BTBD16: variants seen among roughly 807,000 people sequenced by gnomAD.
BTBD16 encodes BTB/POZ domain-containing protein 16.
In BTBD16, 66 loss-of-function variants were observed where a neutral mutation model predicts 67.4. The ratio of observed to expected loss-of-function variants is 0.98; its 90% confidence interval spans 0.80 to 1.20. The LOEUF is 1.20. BTBD16 is among the 50% of genes most tolerant of loss of function. The pLI is 0.00. For missense variants in BTBD16, 634 were observed against 616.0 expected, an observed-to-expected ratio of 1.03 and a Z score of -0.31; for synonymous variants, 242 against 236.4, an observed-to-expected ratio of 1.02 and a Z score of -0.22.
intron 10 of BTBD16, among the ~76,000 whole-genome samples, chr10:122,326,083 C>T (rs2133308021): frequency 6.6e-6 from 1 of 151,936 alleles, no homozygotes; most frequent in Admixed American, 6.5e-5. Flanking sequence ...AGTTATTGCC[C>T]TAAAATGTGT....
At chr10:122,309,103 C>A (rs905644771) in intron 10 of BTBD16, among the ~76,000 whole-genome samples, 1 of 152,158 alleles carries the variant, frequency 6.6e-6, no homozygotes, top group Non-Finnish European at 1.5e-5. Flanking sequence ...TGGCACCTTG[C>A]TGGACTGTGA....
intron 14 of BTBD16, 127 bp from the exon 15 acceptor site, chr10:122,336,367 A>T (rs2133332874): frequency 1.3e-6 from 1 of 788,110 alleles, no homozygotes; most frequent in African/African-American, 1.8e-5. Flanking sequence ...GATGGTGCCA[A>T]TTGGGAAATG....
At chr10:122,327,482 C>T in intron 10 of BTBD16, 1 of 556,466 alleles carries the variant, frequency 1.8e-6, no homozygotes, top group Non-Finnish European at 2.3e-6. Context: ...GCTACTGCTC[C>T]CACTTGACAG....
chr10:122,282,080 C>T (rs1442921873), intron 3 of BTBD16, among the ~76,000 whole-genome samples: 1 of 152,192 alleles, frequency 6.6e-6, no homozygotes, highest in African/African-American at 2.4e-5. Context: ...TGACAAGCAG[C>T]CCTCACACCC....
At position 122,336,618 on chromosome 10, in the gene BTBD16, A is replaced by G. The variant is rs1225867753; in HGVS notation, c.1388A>G (p.Gln463Arg). The G allele has an allele frequency of 1.2e-6, 2 of 1,612,764 alleles. No individual in the cohort carries two copies. The highest frequency in any genetic ancestry group is 1.3e-5 in the African/African-American group (1 of 74,850). Residue 463 changes from glutamine (Q) to arginine (R), a missense_variant, in exon 15 of 16, where the codon CAG (glutamine) becomes CGG (arginine). Coordinates refer to ENST00000260723, the MANE Select transcript of BTBD16 (RefSeq NM_144587.5). ...RAEALVDGKW[Q>R]EFRTNQIKQK... ...GAGGCCCTGGTTGACGGCAAGTGGC[A>G]GGAGTTCAGGACAAACCAGATCAAG... is the stretch of plus-strand genomic sequence containing the variant.
intron 1 of BTBD16, 150 bp downstream of exon 1, chr10:122,271,664 G>C (rs529462793): frequency 1.3e-5 from 2 of 152,228 alleles, no homozygotes; most frequent in African/African-American, 4.8e-5. Context: ...ATCAGGAGGG[G>C]TCTGGGAGCT....
chr10:122,286,182 C>G lies in BTBD16; in HGVS notation c.319C>G (p.Leu107Val). 1 of 1,613,994 alleles carries G rather than the reference C, an allele frequency of 6.2e-7. No individual in the cohort carries two copies. The highest frequency in any genetic ancestry group is 1.7e-4 in the Middle Eastern group (1 of 6,060). The change falls in exon 5 of 16, where the codon CTC becomes GTC. Residue 107 changes from leucine to valine, a missense_variant. Coordinates refer to ENST00000260723, the MANE Select transcript of BTBD16 (RefSeq NM_144587.5). ...QLFQSETLAKLYLKALAQGTT... is the reference protein window; with the variant it reads ...QLFQSETLAKVYLKALAQGTT... ...TTTTCAGTCTGAGACCTTGGCCAAGCTCTACCTGAAAGCCCTGGCGCAGGG... is the reference window on the plus strand; with the variant it reads ...TTTTCAGTCTGAGACCTTGGCCAAGGTCTACCTGAAAGCCCTGGCGCAGGG...
At chr10:122,329,349 A>C in intron 10 of BTBD16, 131 bp from the exon 11 acceptor site, 1 of 758,136 alleles carries the variant, frequency 1.3e-6, no homozygotes, top group Non-Finnish European at 2.2e-6. Context: ...ACCCCTCCAG[A>C]GGGACCGAGG....
rs769834626 is a variant in BTBD16 at position 122,338,113 on chromosome 10, TC to T, written c.*34del. The T allele has an allele frequency of 4.6e-6, 7 of 1,511,712 alleles. No individual in the cohort carries two copies. The highest frequency in any genetic ancestry group is 1.4e-5 in the African/African-American group (1 of 72,684). 93.6% of individuals were successfully genotyped at this position (1,511,712 alleles called of 1,614,324 possible). On this transcript the variant is annotated 3_prime_UTR_variant, in exon 16 of 16. Coordinates refer to ENST00000260723, the MANE Select transcript of BTBD16 (RefSeq NM_144587.5). ...GTTTCCAGAAGAATCTATGGGATTTTCCCCCCACTGGTCTGCATAAAAGAAA... is the reference window on the plus strand; with the variant it reads ...GTTTCCAGAAGAATCTATGGGATTTTCCCCCACTGGTCTGCATAAAAGAAA...
At chr10:122,321,983 A>G (rs1341856523) in intron 10 of BTBD16, among the ~76,000 whole-genome samples, 1 of 152,084 alleles carries the variant, frequency 6.6e-6, no homozygotes, top group Non-Finnish European at 1.5e-5. Flanking sequence ...TCTTTAATCC[A>G]CTTGGTAAAT....
At chr10:122,292,659 C>G (rs1210007479) in intron 7 of BTBD16, among the ~76,000 whole-genome samples, 2 of 152,242 alleles carry the variant, frequency 1.3e-5, no homozygotes, top group Non-Finnish European at 2.9e-5. Flanking sequence ...ATTCATTCAT[C>G]TGCCTCAAGG....
intron 9 of BTBD16, among the ~76,000 whole-genome samples, chr10:122,304,466 A>G (rs2096399629): frequency 6.6e-6 from 1 of 152,094 alleles, no homozygotes; most frequent in Non-Finnish European, 1.5e-5. Context: ...AAATGGCTCC[A>G]TAGATAACCA....
intron 7 of BTBD16, chr10:122,294,004 C>T (rs904576689): frequency 1.1e-5 from 4 of 380,516 alleles, no homozygotes; most frequent in Non-Finnish European, 7.2e-6. Context: ...AATGCCAGAG[C>T]AGGAGGGGCT....
chr10:122,332,512 A>G lies in BTBD16; in HGVS notation c.1163A>G (p.Gln388Arg), dbSNP rs771393037. Residue 388 changes from glutamine (Q) to arginine (R), a missense_variant and splice_region_variant, in exon 13 of 16, where the codon CAG becomes CGG. Gln to Arg is a conservative substitution (Grantham distance 43, BLOSUM62 1). Transcript: ENST00000260723. Reference sequence around the variant, plus strand: ...GTGAGATTTGGGCTGCTCTTTAACCAGGTACTGAGAACTGTACCCGAACAA... The same window carrying G: ...GTGAGATTTGGGCTGCTCTTTAACCGGGTACTGAGAACTGTACCCGAACAA... The part of the protein sequence containing the change: ...QAVRFGLLFN[Q>R]ENTTYSKTIA... 13 of 1,612,724 alleles carry G rather than the reference A, an allele frequency of 8.1e-6. No individual in the cohort carries two copies. Among genetic ancestry groups the G allele is most frequent in the East Asian group, 6.7e-5 (3 of 44,842 alleles).
Position 122,289,958 on chromosome 10 carries a change from C to T in BTBD16, c.435C>T (p.Ile145=). ...TKEKSPAKRI[I]ISLKINDPLV... is the part of the protein sequence containing the mutation. ...AAAAATCCCCTGCAAAGAGGATCAT[C>T]ATTTCCTTGAAGATCAATGACCCAC... The change falls in exon 6 of 16, where the codon ATC becomes ATT. Residue 145 remains isoleucine (I), a synonymous_variant. Transcript: ENST00000260723. The T allele has an allele frequency of 6.2e-7, 1 of 1,613,820 alleles. No individual in the cohort carries two copies. The highest frequency in any genetic ancestry group is 8.5e-7 in the Non-Finnish European group (1 of 1,179,876).
At position 122,334,839 on chromosome 10, in the gene BTBD16, A is replaced by G. The variant is rs747450372; in HGVS notation, c.1165-42A>G. ...GCCCGGGTGACTTTGAATACTAAAT[A>G]TTTTCCCCCCTTCACTTTGTTGTTT... is the stretch of plus-strand genomic sequence containing the variant. On this transcript the variant is annotated intron_variant, in intron 13 of 15. Transcript: ENST00000260723. 9 of 1,269,830 alleles carry G rather than the reference A, an allele frequency of 7.1e-6. No individual in the cohort carries two copies. The South Asian group carries it at 9.7e-5, about 14-fold the overall frequency. The allele number at this position is 1,269,830 out of a possible 1,614,324, so 78.7% of individuals were successfully genotyped here. A position where few individuals can be genotyped will look rare whatever the true frequency, so the allele number is the denominator to read the frequency against.
intron 11 of BTBD16, among the ~76,000 whole-genome samples, chr10:122,330,888 G>A (rs889506932): frequency 1.3e-5 from 2 of 152,148 alleles, no homozygotes; most frequent in South Asian, 2.1e-4. Flanking sequence ...ACCACCACGC[G>A]CAGCTAGTTT....
intron 3 of BTBD16, among the ~76,000 whole-genome samples, chr10:122,278,239 C>G (rs2142045379): frequency 6.6e-6 from 1 of 152,196 alleles, no homozygotes; most frequent in Middle Eastern, 3.4e-3. Context: ...GAGGCAGTGG[C>G]CTGAGGGGTG....
intron 5 of BTBD16, among the ~76,000 whole-genome samples, chr10:122,289,501 G>C (rs1343404218): frequency 6.6e-6 from 1 of 152,168 alleles, no homozygotes; most frequent in African/African-American, 2.4e-5. Flanking sequence ...CACTTTGGGA[G>C]GCTGAGGCTG....
Sources: allele counts gnomAD v4.1 joint callset (sites outside exome capture counted in the v4.1 genomes callset), GRCh38; gene constraint gnomAD v4.1.1; transcripts MANE v1.5; gene names NCBI Gene and HGNC (gene_info 2026-07-23, HGNC 2026-07-21).